The following KHDRBS2 variants were observed in gnomAD, a reference collection of about 807,000 sequenced individuals.
KHDRBS2 encodes KH domain-containing, RNA-binding, signal transduction-associated protein 2.
A neutral mutation model predicts 44.3 loss-of-function variants in KHDRBS2; 26 were observed. The ratio of observed to expected loss-of-function variants is 0.59; its 90% CI spans 0.43 to 0.81. The LOEUF (loss-of-function observed/expected upper bound fraction) is 0.81, where lower values mean the gene tolerates loss of function less well. Ranked by LOEUF, KHDRBS2 falls within the 40% of genes least tolerant of loss-of-function variation. The pLI, the probability that KHDRBS2 is intolerant of heterozygous loss-of-function variation, is 0.00. For missense variants in KHDRBS2, 476 were observed against 433.1 expected (o/e 1.10, Z -0.88); for synonymous variants, 194 against 151.1 (o/e 1.28, Z -2.08).
intron 2 of KHDRBS2, among the ~76,000 whole-genome samples, chr6:62,136,603 G>A (rs1223225729): frequency 6.6e-6 from 1 of 152,104 alleles, no homozygotes; most frequent in African/African-American, 2.4e-5. Flanking sequence ...GTTTTATAAT[G>A]TTATGGTTTG....
chr6:61,835,693 G>C (rs910220233), intron 6 of KHDRBS2, among the ~76,000 whole-genome samples: 5 of 148,916 alleles, frequency 3.4e-5, no homozygotes, highest in African/African-American at 1.2e-4. Context: ...GCATCGTGCA[G>C]CTAATGTTGA....
At chr6:62,173,613 A>G (rs1820509782) in intron 2 of KHDRBS2, among the ~76,000 whole-genome samples, 1 of 152,010 alleles carries the variant, frequency 6.6e-6, no homozygotes, top group African/African-American at 2.4e-5. Flanking sequence ...ACACAAAGAA[A>G]ACTATTAAAA....
intron 5 of KHDRBS2, among the ~76,000 whole-genome samples, chr6:61,898,249 C>T (rs1028377305): frequency 6.6e-6 from 1 of 151,626 alleles, no homozygotes; most frequent in African/African-American, 2.4e-5. Flanking sequence ...ATAAGATTTT[C>T]TATTTTGTAA....
the KHDRBS2 span, among the ~76,000 whole-genome samples, chr6:61,555,088 T>G: frequency 5.3e-5 from 8 of 152,196 alleles, no homozygotes; most frequent in Non-Finnish European, 8.8e-5. Context: ...AATAATAACC[T>G]GAAATATGTT....
chr6:61,827,279 G>C (rs1791038354), intron 6 of KHDRBS2, among the ~76,000 whole-genome samples: 2 of 152,188 alleles, frequency 1.3e-5, no homozygotes, highest in African/African-American at 4.8e-5. Context: ...TTACAGTTGG[G>C]AGGAGGATGT....
intron 2 of KHDRBS2, among the ~76,000 whole-genome samples, chr6:62,134,127 C>T (rs976979804): frequency 2.6e-5 from 4 of 152,150 alleles, no homozygotes; most frequent in African/African-American, 7.2e-5. Flanking sequence ...GAGACCTTTC[C>T]AGCAGCACCT....
chr6:61,901,495 C>A (rs371706169), intron 4 of KHDRBS2, 124 bp from the exon 5 acceptor site: 31 of 695,920 alleles, frequency 4.5e-5, no homozygotes, highest in African/African-American at 4.0e-4. Flanking sequence ...TTTCCTGGAA[C>A]TTTATATGCA....
At chr6:61,865,382 G>A (rs376356868) in intron 6 of KHDRBS2, among the ~76,000 whole-genome samples, 46 of 152,244 alleles carry the variant, frequency 3.0e-4, no homozygotes, top group African/African-American at 1.1e-3. Context: ...ATGGTGGAAG[G>A]CAAGGAGGAG....
chr6:61,574,754 C>T, the KHDRBS2 span, among the ~76,000 whole-genome samples: 2 of 151,940 alleles, frequency 1.3e-5, no homozygotes, highest in African/African-American at 4.8e-5. Context: ...ACTAAAAATA[C>T]AAAAATTAGC....
chr6:62,232,934 A>G (rs1430104062), intron 1 of KHDRBS2, among the ~76,000 whole-genome samples: 2 of 152,160 alleles, frequency 1.3e-5, no homozygotes, highest in African/African-American at 4.8e-5. Flanking sequence ...CTGATACCCA[A>G]CCAAAGAGTA....
At position 61,680,554 on chromosome 6, in the gene KHDRBS2, A is replaced by T. The variant is rs1165341939; in HGVS notation, c.*409T>A. ...TTTATTATCAGCTAGTTCAAAAATC[A>T]TATTACAGTCTTTTAGCAACCCTAA... On this transcript the variant is annotated 3_prime_UTR_variant, in exon 9 of 9. Coordinates refer to ENST00000281156, the MANE Select transcript of KHDRBS2 (RefSeq NM_152688.4). The T allele has an allele frequency of 6.5e-6, 1 of 152,802 alleles. No individual in the cohort carries two copies. Among genetic ancestry groups the T allele is most frequent in the African/African-American group, 2.4e-5 (1 of 41,344 alleles). 9.5% of individuals were successfully genotyped at this position (152,802 alleles called of 1,614,324 possible).
chr6:61,909,020 C>A (rs373722252), intron 4 of KHDRBS2, among the ~76,000 whole-genome samples: 4 of 151,560 alleles, frequency 2.6e-5, no homozygotes, highest in African/African-American at 7.3e-5. Flanking sequence ...TTAGAGTGAA[C>A]CTTTAAAGAA....
At chr6:61,545,077 T>C in the KHDRBS2 span, among the ~76,000 whole-genome samples, 1 of 151,972 alleles carries the variant, frequency 6.6e-6, no homozygotes, top group African/African-American at 2.4e-5. Context: ...ACTTCAAGTA[T>C]AATAAAAAAA....
chr6:62,283,039 C>T (rs1842011895), intron 1 of KHDRBS2, among the ~76,000 whole-genome samples: 2 of 152,082 alleles, frequency 1.3e-5, no homozygotes, highest in Non-Finnish European at 2.9e-5. Flanking sequence ...CAAATTCAGA[C>T]ACTGAGTAGA....
intron 6 of KHDRBS2, among the ~76,000 whole-genome samples, chr6:61,873,777 A>G (rs1659526400): frequency 6.6e-6 from 1 of 152,092 alleles, no homozygotes; most frequent in Admixed American, 6.5e-5. Flanking sequence ...TATGCATAGT[A>G]TGAGTCTCTT....
At chr6:61,912,856 A>G (rs1806294616) in intron 4 of KHDRBS2, among the ~76,000 whole-genome samples, 1 of 152,138 alleles carries the variant, frequency 6.6e-6, no homozygotes, top group South Asian at 2.1e-4. Context: ...CATGGGAATG[A>G]TTGTTGTTTT....
At chr6:61,571,117 T>A in the KHDRBS2 span, among the ~76,000 whole-genome samples, 1 of 151,978 alleles carries the variant, frequency 6.6e-6, no homozygotes, top group Non-Finnish European at 1.5e-5. Context: ...ACTTAAAAGA[T>A]ACAGAATGGC....
intron 6 of KHDRBS2, among the ~76,000 whole-genome samples, chr6:61,779,673 T>A (rs1384933167): frequency 6.6e-6 from 1 of 152,118 alleles, no homozygotes; most frequent in East Asian, 1.9e-4. Flanking sequence ...AAATGACGTG[T>A]TATAATTAAA....
intron 6 of KHDRBS2, among the ~76,000 whole-genome samples, chr6:61,873,209 A>G (rs1168719330): frequency 1.3e-5 from 2 of 152,070 alleles, no homozygotes; most frequent in Non-Finnish European, 2.9e-5. Context: ...CAAACATCAC[A>G]AAAGAGAGTG....
Sources: gnomAD v4.1 joint callset for allele counts (sites outside exome capture counted in the v4.1 genomes callset) on GRCh38, gnomAD v4.1.1 for gene constraint, MANE v1.5 for transcripts, NCBI Gene and HGNC (gene_info 2026-07-23, HGNC 2026-07-21) for gene names.